SYNE2: variants seen among roughly 807,000 people sequenced by gnomAD.
SYNE2 encodes nesprin-2.
In SYNE2, 431 loss-of-function variants were observed where a neutral mutation model predicts 856.3. That is an observed-to-expected ratio of 0.50 (90% CI 0.47 to 0.55). The LOEUF (loss-of-function observed/expected upper bound fraction) is 0.55, where lower values mean the gene tolerates loss of function less well. Ranked by LOEUF, SYNE2 falls within the 20% of genes least tolerant of loss-of-function variation. The probability of loss-of-function intolerance (pLI) is 0.00; values close to 1 mark genes in which losing one functional copy is unlikely to be tolerated. For synonymous variants in SYNE2, 2,923 were observed against 2,872.3 expected (o/e 1.02, Z -0.56); for missense variants, 8,129 against 8,023.2 (o/e 1.01, Z -0.50).
intron 100 of SYNE2, among the ~76,000 whole-genome samples, chr14:64,205,209 TTGTTGGGG>T (rs2098599465): frequency 6.6e-6 from 1 of 152,122 alleles, no homozygotes; most frequent in African/African-American, 2.4e-5. Context: ...CTGGATGTCT[TTGTTGGGG>T]GGTTGGGGGG....
At chr14:63,819,727 G>A (rs1475753715) in intron 1 of SYNE2, among the ~76,000 whole-genome samples, 4 of 151,758 alleles carry the variant, frequency 2.6e-5, no homozygotes, top group Non-Finnish European at 5.9e-5. Context: ...TAGTAGAGAC[G>A]GGGTTTCACC....
chr14:64,075,416 A>G (rs752684301), intron 53 of SYNE2, among the ~76,000 whole-genome samples: 15 of 152,196 alleles, frequency 9.9e-5, no homozygotes, highest in Non-Finnish European at 2.2e-4. Flanking sequence ...CATTCTTTGT[A>G]TGGAACTGGA....
chr14:64,052,746 T>A lies in SYNE2; in HGVS notation c.8833T>A (p.Cys2945Ser). ...TGAAGTGGAACACAAGATAAAGTTT[T>A]GCAGACAATTCCATGAAAAAACATC... is the stretch of plus-strand genomic sequence containing the variant. ...CNEVEHKIKF[C>S]RQFHEKTSAL... The change falls in exon 48 of 116, where the codon TGC (cysteine) becomes AGC (serine). Residue 2945 changes from cysteine to serine, a missense_variant. Coordinates refer to ENST00000555002, the MANE Select transcript of SYNE2 (RefSeq NM_182914.3). The A allele has an allele frequency of 6.2e-7, 1 of 1,612,974 alleles. No homozygotes were observed. Among genetic ancestry groups the A allele is most frequent in the South Asian group, 1.1e-5 (1 of 90,874 alleles).
intron 73 of SYNE2, among the ~76,000 whole-genome samples, chr14:64,127,300 C>T (rs2097956998): frequency 1.3e-5 from 2 of 151,496 alleles, no homozygotes; most frequent in African/African-American, 2.4e-5. Flanking sequence ...CTTGACCGAG[C>T]GTAGTAGCTC....
chr14:63,986,338 A>C, intron 18 of SYNE2, 118 bp from the exon 19 acceptor site: 1 of 1,066,916 alleles, frequency 9.4e-7, no homozygotes, highest in Non-Finnish European at 1.4e-6. Flanking sequence ...AGCCTCAAGC[A>C]ATCCTCCTGC....
At chr14:64,219,092 TAC>T (rs1392222282) in intron 109 of SYNE2, 114 bp from the exon 110 acceptor site, 1 of 930,366 alleles carries the variant, frequency 1.1e-6, no homozygotes, top group African/African-American at 1.9e-5. Context: ...GGGAATCCCC[TAC>T]AGTTTTTTTG....
intron 85 of SYNE2, among the ~76,000 whole-genome samples, chr14:64,156,235 G>T (rs949920755): frequency 3.3e-5 from 5 of 152,094 alleles, no homozygotes; most frequent in African/African-American, 1.2e-4. Context: ...CCTTTAAGGT[G>T]CTAGAAGTTC....
intron 94 of SYNE2, 56 bp from the exon 95 acceptor site, chr14:64,174,888 A>G: frequency 2.0e-6 from 3 of 1,525,314 alleles, no homozygotes; most frequent in Admixed American, 1.7e-5. Flanking sequence ...GGCACACACA[A>G]TCACATTTTG....
At position 64,051,616 on chromosome 14, in the gene SYNE2, A is replaced by G. The variant is rs1460075302; in HGVS notation, c.7703A>G (p.Glu2568Gly). ...ATTAAAAAATTCATAGCATCCATAGAAAAAGAGAAAGATTCTTTAGGCAAC... is the reference window on the plus strand; with the variant it reads ...ATTAAAAAATTCATAGCATCCATAGGAAAAGAGAAAGATTCTTTAGGCAAC... ...DKIKKFIASI[E>G]KEKDSLGNLK... Residue 2568 changes from glutamate to glycine, a missense_variant, in exon 48 of 116, where the codon GAA (glutamate) becomes GGA (glycine). This residue lies in a region of SYNE2 where 5,410 missense variants were observed against 5,284.8 expected (regional missense o/e 1.02). Transcript: ENST00000555002. 1 of 1,613,942 alleles carries G rather than the reference A, an allele frequency of 6.2e-7. No homozygotes were observed. Among genetic ancestry groups the G allele is most frequent in the East Asian group, 2.2e-5 (1 of 44,884 alleles).
intron 12 of SYNE2, 111 bp from the exon 13 acceptor site, chr14:63,977,794 G>A (rs2096555858): frequency 1.3e-6 from 1 of 775,710 alleles, no homozygotes; most frequent in East Asian, 2.7e-5. Flanking sequence ...TTGTGGGGAG[G>A]GTTTTATGAT....
chr14:64,139,133 C>T (rs2098120913), intron 79 of SYNE2, among the ~76,000 whole-genome samples: 1 of 151,828 alleles, frequency 6.6e-6, no homozygotes, highest in Non-Finnish European at 1.5e-5. Flanking sequence ...ACAGCACATG[C>T]CACCACGCCC....
At chr14:63,779,993 T>A (rs909723323) in intron 1 of SYNE2, among the ~76,000 whole-genome samples, 2 of 152,188 alleles carry the variant, frequency 1.3e-5, no homozygotes, top group African/African-American at 2.4e-5. Context: ...CATATCATGA[T>A]CATTAATTTT....
intron 1 of SYNE2, among the ~76,000 whole-genome samples, chr14:63,805,802 A>C (rs1053819980): frequency 6.6e-6 from 1 of 152,152 alleles, no homozygotes. Flanking sequence ...TGTATATAGA[A>C]ATGCTACTGA....
At position 64,053,391 on chromosome 14, in the gene SYNE2, A is replaced by C. The variant is rs1284016419; in HGVS notation, c.9478A>C (p.Thr3160Pro). The change falls in exon 48 of 116, where the codon ACT becomes CCT. Residue 3160 changes from threonine to proline, a missense_variant. Coordinates refer to ENST00000555002, the MANE Select transcript of SYNE2 (RefSeq NM_182914.3). ...AAAGAATTGTCAGGACAAACTAGAA[A>C]CTTCCTTACATGTTTTAAATCAGAT... is the stretch of plus-strand genomic sequence containing the variant. The part of the protein sequence containing the change: ...DEKNCQDKLE[T>P]SLHVLNQIKS... 2 of 1,613,762 alleles carry C rather than the reference A, an allele frequency of 1.2e-6. No individual in the cohort carries two copies. The highest frequency in any genetic ancestry group is 1.7e-4 in the Middle Eastern group (1 of 6,058).
At chr14:64,026,245 ATGTCT>A (rs1232772270) in intron 41 of SYNE2, among the ~76,000 whole-genome samples, 7 of 152,214 alleles carry the variant, frequency 4.6e-5, no homozygotes, top group Admixed American at 2.0e-4. Context: ...GGTTATAAAA[ATGTCT>A]TGTCAGATTG....
At chr14:63,796,208 C>G (rs1887909167) in intron 1 of SYNE2, among the ~76,000 whole-genome samples, 1 of 152,232 alleles carries the variant, frequency 6.6e-6, no homozygotes, top group Admixed American at 6.5e-5. Flanking sequence ...CACCTGTAAT[C>G]TGAGCACTTT....
intron 87 of SYNE2, 39 bp from the exon 88 acceptor site, chr14:64,162,033 G>A (rs749104163): frequency 6.2e-7 from 1 of 1,610,996 alleles, no homozygotes; most frequent in African/African-American, 1.3e-5. Context: ...CAAGAGAAAG[G>A]AGAGAATGAG....
chr14:63,954,052 T>C (rs561975732), intron 7 of SYNE2, among the ~76,000 whole-genome samples: 1 of 152,312 alleles, frequency 6.6e-6, no homozygotes, highest in African/African-American at 2.4e-5. Context: ...GTGCTGGGAT[T>C]GCAGGCATGT....
intron 6 of SYNE2, among the ~76,000 whole-genome samples, chr14:63,948,152 C>T (rs1304420539): frequency 1.9e-5 from 2 of 105,186 alleles, no homozygotes; most frequent in East Asian, 5.0e-4. Context: ...CACATACACA[C>T]ACAGACACAC....
Sources: allele counts gnomAD v4.1 joint callset (sites outside exome capture counted in the v4.1 genomes callset), GRCh38; gene constraint gnomAD v4.1.1; regional missense constraint gnomAD v4.1.1; transcripts MANE v1.5; gene names NCBI Gene and HGNC (gene_info 2026-07-23, HGNC 2026-07-21).